Variants in JAZF1 observed in about 807,000 individuals in gnomAD.
JAZF1 encodes the protein JAZF zinc finger 1.
JAZF1 carries 8 observed loss-of-function variants against 26.4 expected under a neutral mutation model. That is an observed-to-expected ratio of 0.30 (90% CI 0.18 to 0.55). JAZF1 has a LOEUF of 0.55. Among genes scored for constraint, JAZF1 ranks in the 20% least tolerant of loss-of-function variants. The pLI is 0.94. For missense variants in JAZF1, 199 were observed against 322.0 expected, an observed-to-expected ratio of 0.62 and a Z score of 2.92; for synonymous variants, 126 against 122.3, an observed-to-expected ratio of 1.03 and a Z score of -0.20.
At chr7:28,171,460 C>G (rs1339786065) in intron 1 of JAZF1, among the ~76,000 whole-genome samples, 1 of 152,124 alleles carries the variant, frequency 6.6e-6, no homozygotes, top group Non-Finnish European at 1.5e-5. Context: ...TTTCTGAAAA[C>G]ACGTCTTGGG....
chr7:28,008,588 T>C (rs528782148), intron 1 of JAZF1, among the ~76,000 whole-genome samples: 7 of 152,360 alleles, frequency 4.6e-5, no homozygotes, highest in Non-Finnish European at 7.3e-5. Flanking sequence ...TTAGTCTCTC[T>C]GGCAAATAAT....
Position 27,850,813 on chromosome 7 carries a change from A to ATT in JAZF1, c.386-9948_386-9947dup, listed in dbSNP as rs111342674. On this transcript the variant is annotated intron_variant, in intron 3 of 4. Coordinates refer to ENST00000283928, the MANE Select transcript of JAZF1 (RefSeq NM_175061.4). ...AGCCATCTTTCAGCTCTGAAGGACC[A>ATT]TTTTTTTTTTTTTTTTACTTAAGAA... 1.5e-3 allele frequency among the ~76,000 whole-genome samples: 212 copies of ATT among 140,116 alleles called. 2 individuals are homozygous for ATT. In the South Asian group the frequency reaches 0.022, roughly 15 times the overall value. The allele number at this position is 140,116 out of a possible 152,430, so 91.9% of individuals were successfully genotyped here.
At chr7:28,022,166 C>T (rs1445663454) in intron 1 of JAZF1, among the ~76,000 whole-genome samples, 1 of 152,196 alleles carries the variant, frequency 6.6e-6, no homozygotes, top group Non-Finnish European at 1.5e-5. Flanking sequence ...ATAAATCAGA[C>T]AGCATTGAAC....
intron 1 of JAZF1, among the ~76,000 whole-genome samples, chr7:28,019,192 G>A (rs1467844526): frequency 1.3e-5 from 2 of 152,184 alleles, no homozygotes; most frequent in Admixed American, 1.3e-4. Flanking sequence ...CAGAAGCAAA[G>A]CCATTCTCCT....
chr7:27,913,413 G>A (rs756655436), intron 2 of JAZF1: 42 of 458,986 alleles, frequency 9.2e-5, no homozygotes, highest in South Asian at 3.0e-4. Context: ...GTAGGACAGC[G>A]AGAAGGGAGG....
At chr7:27,925,424 ATTTAT>A (rs1168251651) in intron 2 of JAZF1, among the ~76,000 whole-genome samples, 1 of 152,084 alleles carries the variant, frequency 6.6e-6, no homozygotes, top group Non-Finnish European at 1.5e-5. Flanking sequence ...GACAACATTC[ATTTAT>A]TTTATTTCTC....
At chr7:28,012,886 T>A (rs1345505164) in intron 1 of JAZF1, among the ~76,000 whole-genome samples, 13 of 152,230 alleles carry the variant, frequency 8.5e-5, no homozygotes, top group Non-Finnish European at 1.5e-5. Context: ...TAGTTTACCT[T>A]TAAATACAAT....
chr7:28,172,901 T>C (rs1045921550), intron 1 of JAZF1, among the ~76,000 whole-genome samples: 1 of 152,184 alleles, frequency 6.6e-6, no homozygotes, highest in African/African-American at 2.4e-5. Flanking sequence ...CCAATTCGAC[T>C]TCCCCCTAGC....
chr7:27,848,503 G>A (rs753651093), intron 3 of JAZF1, among the ~76,000 whole-genome samples: 4 of 152,092 alleles, frequency 2.6e-5, no homozygotes, highest in African/African-American at 4.8e-5. Flanking sequence ...AGGAGAATGC[G>A]CTCAGAGATC....
intron 1 of JAZF1, among the ~76,000 whole-genome samples, chr7:27,992,892 A>G (rs190968287): frequency 5.2e-4 from 79 of 152,262 alleles, no homozygotes; most frequent in African/African-American, 1.8e-3. Context: ...TCTTTGATGT[A>G]ATGACAGATG....
intron 3 of JAZF1, among the ~76,000 whole-genome samples, chr7:27,859,353 A>T (rs1304753758): frequency 2.0e-5 from 3 of 152,196 alleles, no homozygotes; most frequent in Non-Finnish European, 4.4e-5. Flanking sequence ...ATACCATTCG[A>T]CCCAGCAATC....
intron 2 of JAZF1, among the ~76,000 whole-genome samples, chr7:27,933,858 T>A (rs1015553257): frequency 1.3e-5 from 2 of 151,978 alleles, no homozygotes; most frequent in Non-Finnish European, 2.9e-5. Flanking sequence ...TTTTAAGTGG[T>A]TAAAAAAAAG....
rs545728514 is a variant in JAZF1 at position 28,028,011 on chromosome 7, A to T, written c.116-36030T>A. Among the ~76,000 whole-genome samples the T allele has an allele frequency of 5.3e-5, 8 of 152,338 alleles. No homozygotes were observed. In the South Asian group the frequency reaches 1.7e-3, roughly 32 times the overall value. ...CTAAAACCCAGATGATCATGAAGAC[A>T]TTATAATGGAAGTTTGTTTATTCTC... is the stretch of plus-strand genomic sequence containing the variant. On this transcript the variant is annotated intron_variant, in intron 1 of 4. Transcript: ENST00000283928.
chr7:28,001,575 A>G (rs1229936070), intron 1 of JAZF1, among the ~76,000 whole-genome samples: 1 of 152,214 alleles, frequency 6.6e-6, no homozygotes, highest in East Asian at 1.9e-4. Context: ...GAGTCTGAAT[A>G]GAAGACAGTT....
intron 3 of JAZF1, among the ~76,000 whole-genome samples, chr7:27,886,892 C>T (rs539939453): frequency 2.0e-5 from 3 of 152,268 alleles, no homozygotes; most frequent in South Asian, 2.1e-4. Flanking sequence ...AAATGTGGTA[C>T]GTATACACCA....
At chr7:28,129,418 C>T (rs1020169537) in intron 1 of JAZF1, among the ~76,000 whole-genome samples, 5 of 152,008 alleles carry the variant, frequency 3.3e-5, no homozygotes, top group South Asian at 2.1e-4. Context: ...TTCTGGGGCC[C>T]GAACATTGTT....
intron 1 of JAZF1, among the ~76,000 whole-genome samples, chr7:28,023,287 A>G (rs1466707528): frequency 6.6e-6 from 1 of 152,208 alleles, no homozygotes; most frequent in Non-Finnish European, 1.5e-5. Flanking sequence ...CGAAGGACAG[A>G]TTCACTGAAG....
intron 1 of JAZF1, among the ~76,000 whole-genome samples, chr7:28,000,047 T>C (rs1297103067): frequency 6.6e-6 from 1 of 152,178 alleles, no homozygotes; most frequent in Admixed American, 6.5e-5. Context: ...TAGCGAATCA[T>C]TCACAGGTGA....
At chr7:27,847,308 ATTTTTG>A (rs767278400) in intron 3 of JAZF1, among the ~76,000 whole-genome samples, 4 of 151,464 alleles carry the variant, frequency 2.6e-5, no homozygotes, top group Non-Finnish European at 4.4e-5. Flanking sequence ...TCGTTTATTT[ATTTTTG>A]TTTTTGTAGA....
Sources: gnomAD v4.1 joint callset for allele counts (sites outside exome capture counted in the v4.1 genomes callset) on GRCh38, gnomAD v4.1.1 for gene constraint, MANE v1.5 for transcripts, NCBI Gene and HGNC (gene_info 2026-07-23, HGNC 2026-07-21) for gene names.